TASOR2: variants seen among roughly 807,000 people sequenced by gnomAD.
TASOR2 encodes the protein protein TASOR 2.
In TASOR2, 84 loss-of-function variants were observed where a neutral mutation model predicts 199.5. The observed-to-expected ratio is 0.42, with a 90% CI of 0.35 to 0.50. The LOEUF is 0.50. TASOR2 is among the 20% of genes least tolerant of loss of function. TASOR2 has a pLI of 0.02. For missense variants in TASOR2, 2,796 were observed against 2,835.9 expected (o/e 0.99, Z 0.32); for synonymous variants, 1,103 against 1,046.6 (o/e 1.05, Z -1.04).
Position 5,740,078 on chromosome 10 carries a change from G to A in TASOR2, c.1908G>A (p.Glu636=). Residue 636 remains glutamate (E), a synonymous_variant, in exon 13 of 21, where the codon GAG becomes GAA. Coordinates refer to ENST00000328090, the Ensembl canonical transcript of TASOR2. This position sits in a 1 kb window ranked among gnomAD's most constrained non-coding sequence, Gnocchi z 5.3. ...CTAAAGCCCAGTCAGCACTTACTGA[G>A]GAAATGCTAGAATCTTCAGATGCAA... 6.2e-7 allele frequency: 1 copy of A among 1,614,030 alleles called. No homozygotes were observed. The highest frequency in any genetic ancestry group is 1.3e-5 in the African/African-American group (1 of 75,024).
chr10:5,718,761 CAA>C (rs35051277), intron 3 of TASOR2, among the ~76,000 whole-genome samples: 1,806 of 134,606 alleles, frequency 0.013, 12 homozygotes, highest in East Asian at 0.031. Flanking sequence ...AACTCTGTCT[CAA>C]AAAAAAAAAA....
Position 5,720,808 on chromosome 10 carries a change from T to A in TASOR2, c.46+34T>A. 1 of 1,599,184 alleles carries A rather than the reference T, an allele frequency of 6.3e-7. No homozygotes were observed. The highest frequency in any genetic ancestry group is 8.5e-7 in the Non-Finnish European group (1 of 1,175,868). Reference sequence around the variant, plus strand: ...TAGTTCATTGATTCTTTTAGGTTTTTTTTTTCTTGAGTAAATGTTTCATCA... The same window carrying A: ...TAGTTCATTGATTCTTTTAGGTTTTATTTTTCTTGAGTAAATGTTTCATCA... On this transcript the variant is annotated intron_variant, in intron 5 of 20. Transcript: ENST00000328090. The surrounding 1 kb of genome is among the most constrained non-coding windows in gnomAD (Gnocchi z 5.3).
exon 15 of TASOR2, chr10:5,747,928 A>G (rs768850172): frequency 7.4e-6 from 12 of 1,613,710 alleles, no homozygotes; most frequent in African/African-American, 5.3e-5. Context: ...AACTGAGGAA[A>G]TTGTCTCAAG....
In TASOR2 at chr10:5,730,442, T is replaced by C; in HGVS notation, c.488-45T>C. ...TTTTTTTTCCAGAATGTTTTGTTTTTAAAAAATAAACTTCAGATGTTTAAT... is the reference window on the plus strand; with the variant it reads ...TTTTTTTTCCAGAATGTTTTGTTTTCAAAAAATAAACTTCAGATGTTTAAT... On this transcript the variant is annotated intron_variant, in intron 10 of 20. Coordinates refer to ENST00000328090, the Ensembl canonical transcript of TASOR2. This position sits in a 1 kb window ranked among gnomAD's most constrained non-coding sequence, Gnocchi z 4.1. 1.4e-6 allele frequency: 2 copies of C among 1,403,350 alleles called. No homozygotes were observed. Among genetic ancestry groups the C allele is most frequent in the Non-Finnish European group, 1.9e-6 (2 of 1,048,212 alleles). 86.9% of individuals were successfully genotyped at this position (1,403,350 alleles called of 1,614,324 possible).
chr10:5,711,725 A>G (rs545168054), intron 1 of TASOR2, among the ~76,000 whole-genome samples: 2 of 152,256 alleles, frequency 1.3e-5, no homozygotes, highest in East Asian at 1.9e-4. Flanking sequence ...CCTCAAAGCT[A>G]TCTCACATGG....
intron 13 of TASOR2, among the ~76,000 whole-genome samples, chr10:5,741,274 C>T (rs1279562237): frequency 6.6e-6 from 1 of 152,190 alleles, no homozygotes; most frequent in Non-Finnish European, 1.5e-5. Context: ...TATTGAGATG[C>T]ACAGTGACTG....
At chr10:5,721,487 C>G (rs1290937408) in intron 6 of TASOR2, among the ~76,000 whole-genome samples, 1 of 151,948 alleles carries the variant, frequency 6.6e-6, no homozygotes, top group Non-Finnish European at 1.5e-5. Flanking sequence ...AAGAAATAGT[C>G]ATAGTTTAAT....
In TASOR2 at chr10:5,748,458, GTT is replaced by G; in HGVS notation, c.5039_5040del (p.Phe1680SerfsTer15). ...TAAGACCAATAAATGCAGAGCCAGT[GTT>G]TCAAGCACAGGAAATACCAGCAGGC... is the stretch of plus-strand genomic sequence containing the variant. On this transcript the variant is annotated frameshift_variant, in exon 15 of 21. Coordinates refer to ENST00000328090, the Ensembl canonical transcript of TASOR2. LOFTEE classifies it high-confidence loss of function. The surrounding 1 kb of genome is among the most constrained non-coding windows in gnomAD (Gnocchi z 5.1). 1 of 1,614,164 alleles carries G rather than the reference GTT, an allele frequency of 6.2e-7. No homozygotes were observed. The highest frequency in any genetic ancestry group is 8.5e-7 in the Non-Finnish European group (1 of 1,180,038).
At chr10:5,747,009 A>G (rs1450208279) in exon 15 of TASOR2, 1 of 1,614,146 alleles carries the variant, frequency 6.2e-7, no homozygotes, top group Non-Finnish European at 8.5e-7. Flanking sequence ...TATCTTCAGA[A>G]GGGCTTCTAG....
chr10:5,745,978 T>G (rs1240365227), intron 14 of TASOR2, among the ~76,000 whole-genome samples: 7 of 152,138 alleles, frequency 4.6e-5, no homozygotes, highest in Non-Finnish European at 1.5e-5. Context: ...CAAATCCCAC[T>G]GGGGGGTATT....
rs1372782671 is a variant in TASOR2, at chr10:5,710,305, T to C, written c.-287-2518T>C. Among the ~76,000 whole-genome samples the C allele has an allele frequency of 6.6e-6, 1 of 152,148 alleles. No homozygotes were observed. Among genetic ancestry groups the C allele is most frequent in the African/African-American group, 2.4e-5 (1 of 41,438 alleles). The stretch of plus-strand genomic sequence containing the variant: ...CTATGATTTTCCAACAACTTTGTTT[T>C]TAACATACCTCTGCTAACCATAAAA... On this transcript the variant is annotated intron_variant, in intron 1 of 20. Coordinates refer to ENST00000328090, the Ensembl canonical transcript of TASOR2. The surrounding 1 kb of genome is among the most constrained non-coding windows in gnomAD (Gnocchi z 4.6).
chr10:5,738,015 T>G lies in TASOR2; in HGVS notation c.1448-1603T>G, dbSNP rs1464476095. ...TCTTAAGCACCTATGTTAATCATTTTACTTCTTATACTTAAAATATCAACG... is the reference window on the plus strand; with the variant it reads ...TCTTAAGCACCTATGTTAATCATTTGACTTCTTATACTTAAAATATCAACG... On this transcript the variant is annotated intron_variant, in intron 12 of 20. Coordinates refer to ENST00000328090, the Ensembl canonical transcript of TASOR2. This position sits in a 1 kb window ranked among gnomAD's most constrained non-coding sequence, Gnocchi z 4.7. 6.6e-6 allele frequency among the ~76,000 whole-genome samples: 1 copy of G among 152,268 alleles called. No homozygotes were observed. Among genetic ancestry groups the G allele is most frequent in the Non-Finnish European group, 1.5e-5 (1 of 68,046 alleles).
intron 2 of TASOR2, 73 bp from the exon 3 acceptor site, chr10:5,714,062 A>C: frequency 1.2e-6 from 1 of 845,424 alleles, no homozygotes. Context: ...TAAAATTAAA[A>C]AAAAAAACCT....
chr10:5,761,294 G>T lies in TASOR2; in HGVS notation c.6997G>T (p.Asp2333Tyr), dbSNP rs772378861. The change falls in exon 19 of 21, where the codon GAT (aspartate) becomes TAT (tyrosine). Residue 2333 changes from aspartate (D) to tyrosine (Y), a missense_variant. By Grantham distance (160) the Asp-to-Tyr change is radical (BLOSUM62 -3). Around this residue, in one of 3 missense-constraint regions of TASOR2, gnomAD observed 1,941 missense variants for 1,924.9 expected, o/e 1.01. Transcript: ENST00000328090. ...ATGCCTATGTATCTTTCACAGAGTG[G>T]ATTCAACTGCACATAAGAAGAACAT... is the stretch of plus-strand genomic sequence containing the variant. The T allele has an allele frequency of 1.9e-6, 3 of 1,611,690 alleles. No individual in the cohort carries two copies. In the African/African-American group the frequency reaches 4.0e-5, roughly 22 times the overall value.
At chr10:5,684,900 C>T in exon 1 of TASOR2, 2 of 392,816 alleles carry the variant, frequency 5.1e-6, no homozygotes, top group Admixed American at 8.9e-5. Context: ...TGCCGGGCGT[C>T]CCGGGGTTGC....
rs761718798 is a variant in TASOR2, at chr10:5,747,686, C to T, written c.4265C>T (p.Pro1422Leu). The change falls in exon 15 of 21, where the codon CCA becomes CTA. Residue 1422 changes from proline (P) to leucine (L), a missense_variant. Pro to Leu is a moderately conservative substitution (Grantham distance 98). Coordinates refer to ENST00000328090, the Ensembl canonical transcript of TASOR2. ...ACACGACCATATCAGGCTGTGACTC[C>T]ATGCATTTTAAAACTTCATGGTACA... is the stretch of plus-strand genomic sequence containing the variant. 1.2e-6 allele frequency: 2 copies of T among 1,614,158 alleles called. No individual in the cohort carries two copies. Among genetic ancestry groups the T allele is most frequent in the Non-Finnish European group, 8.5e-7 (1 of 1,180,028 alleles).
At chr10:5,723,702 G>C in exon 7 of TASOR2, 2 of 1,591,468 alleles carry the variant, frequency 1.3e-6, no homozygotes, top group Non-Finnish European at 1.7e-6. Flanking sequence ...TTTTAAATAT[G>C]TAATGAAAGT....
chr10:5,698,568 A>G lies in TASOR2; in HGVS notation c.-288+13393A>G, dbSNP rs1014805008. Reference sequence around the variant, plus strand: ...TGGTCTTGCCTATTTTTGTAAATAAAGTTATATGGGGACATGGTCATTCCT... The same window carrying G: ...TGGTCTTGCCTATTTTTGTAAATAAGGTTATATGGGGACATGGTCATTCCT... On this transcript the variant is annotated intron_variant, in intron 1 of 20. Coordinates refer to ENST00000328090, the Ensembl canonical transcript of TASOR2. This position sits in a 1 kb window ranked among gnomAD's most constrained non-coding sequence, Gnocchi z 4.4. Among the ~76,000 whole-genome samples, 21 of 152,194 alleles carry G rather than the reference A, an allele frequency of 1.4e-4. No homozygotes were observed. The highest frequency in any genetic ancestry group is 5.1e-4 in the African/African-American group (21 of 41,456).
Position 5,698,855 on chromosome 10 carries a change from A to G in TASOR2, c.-288+13680A>G, listed in dbSNP as rs1008851644. On this transcript the variant is annotated intron_variant, in intron 1 of 20. Coordinates refer to ENST00000328090, the Ensembl canonical transcript of TASOR2. This position sits in a 1 kb window ranked among gnomAD's most constrained non-coding sequence, Gnocchi z 4.4. ...ACAAGTGTTGGTAATGCTGTGAAAA[A>G]ATTGGAACCTTCTGTATACTGCTGG... Among the ~76,000 whole-genome samples the G allele has an allele frequency of 6.6e-6, 1 of 152,194 alleles. No individual in the cohort carries two copies. Among genetic ancestry groups the G allele is most frequent in the Non-Finnish European group, 1.5e-5 (1 of 68,016 alleles).
Sources: allele counts gnomAD v4.1 joint callset (sites outside exome capture counted in the v4.1 genomes callset), GRCh38; gene constraint gnomAD v4.1.1; regional missense constraint gnomAD v4.1.1; non-coding constraint Gnocchi (gnomAD v3.1); transcripts MANE v1.5; gene names NCBI Gene and HGNC (gene_info 2026-07-23, HGNC 2026-07-21).